APBB2: variants seen among roughly 807,000 people sequenced by gnomAD.
APBB2 encodes the protein amyloid beta precursor protein binding family B member 2.
In APBB2, 38 loss-of-function variants were observed where a neutral mutation model predicts 82.5. The ratio of observed to expected loss-of-function variants is 0.46; its 90% confidence interval spans 0.36 to 0.60. APBB2 has a LOEUF of 0.60. Among genes scored for constraint, APBB2 ranks in the 20% least tolerant of loss-of-function variants. The probability of loss-of-function intolerance (pLI) is 0.00; values close to 1 mark genes in which losing one functional copy is unlikely to be tolerated. For synonymous variants in APBB2, 341 were observed against 368.2 expected (o/e 0.93, Z 0.85); for missense variants, 772 against 972.3 (o/e 0.79, Z 2.74).
At chr4:41,203,993 C>A (rs1013918692) in intron 1 of APBB2, among the ~76,000 whole-genome samples, 1 of 151,706 alleles carries the variant, frequency 6.6e-6, no homozygotes, top group Non-Finnish European at 1.5e-5. Context: ...AGTGAGCCTG[C>A]CCCACCTTGT....
chr4:41,094,744 T>C (rs963269249), intron 3 of APBB2, among the ~76,000 whole-genome samples: 1 of 152,148 alleles, frequency 6.6e-6, no homozygotes, highest in African/African-American at 2.4e-5. Context: ...TTTGTATTTT[T>C]AGTAGAGACG....
chr4:40,981,653 C>G (rs1218431324), intron 6 of APBB2, among the ~76,000 whole-genome samples: 1 of 152,198 alleles, frequency 6.6e-6, no homozygotes, highest in Non-Finnish European at 1.5e-5. Context: ...TACCAACAGA[C>G]AATGAGGCCA....
Position 40,932,750 on chromosome 4 carries a change from G to A in APBB2, c.1254+1706C>T, listed in dbSNP as rs79632067. On this transcript the variant is annotated intron_variant, in intron 10 of 17. Coordinates refer to ENST00000508593, the MANE Select transcript of APBB2 (RefSeq NM_004307.2). ...AACTTGTAAATGAAAAATGCAAAAC[G>A]AAAATGCAAGCCCCCGCCCCGTTCA... Among the ~76,000 whole-genome samples the A allele has an allele frequency of 6.1e-3, 933 of 152,078 alleles. 13 individuals are homozygous for A. Among genetic ancestry groups the A allele is most frequent in the African/African-American group, 0.022 (894 of 41,524 alleles).
intron 1 of APBB2, among the ~76,000 whole-genome samples, chr4:41,171,054 G>A (rs1484306050): frequency 3.9e-5 from 6 of 152,118 alleles, no homozygotes; most frequent in African/African-American, 1.4e-4. Flanking sequence ...TAACCAACTC[G>A]CTACGTCAGT....
intron 10 of APBB2, among the ~76,000 whole-genome samples, chr4:40,927,653 T>C (rs1206121402): frequency 6.6e-6 from 1 of 152,086 alleles, no homozygotes; most frequent in African/African-American, 2.4e-5. Flanking sequence ...GGCTAATATT[T>C]GCATTTTTTG....
chr4:41,119,969 T>A (rs373243558), intron 2 of APBB2, among the ~76,000 whole-genome samples: 1 of 152,218 alleles, frequency 6.6e-6, no homozygotes, highest in Admixed American at 6.5e-5. Flanking sequence ...TTTTATGGTT[T>A]GTGTTCCATG....
intron 1 of APBB2, among the ~76,000 whole-genome samples, chr4:41,149,366 T>A (rs1026990598): frequency 1.9e-4 from 29 of 152,148 alleles, no homozygotes; most frequent in Admixed American, 7.8e-4. Flanking sequence ...GTTTCTTTTT[T>A]AAAAAAAATT....
chr4:40,901,858 C>T (rs116089130), intron 10 of APBB2, among the ~76,000 whole-genome samples: 1,730 of 151,626 alleles, frequency 0.011, 35 homozygotes, highest in African/African-American at 0.04. Context: ...CTGGGAGATC[C>T]ATGGATGAGC....
intron 6 of APBB2, among the ~76,000 whole-genome samples, chr4:40,951,217 C>T (rs549388542): frequency 1.3e-5 from 2 of 150,898 alleles, no homozygotes; most frequent in Admixed American, 6.6e-5. Context: ...GGACCATCGA[C>T]GCTCCCTTTA....
chr4:40,853,183 T>A (rs1760037235), intron 12 of APBB2, among the ~76,000 whole-genome samples: 1 of 152,182 alleles, frequency 6.6e-6, no homozygotes, highest in Non-Finnish European at 1.5e-5. Context: ...CTCTGCCATG[T>A]CACTGATCTC....
chr4:41,213,645 T>C (rs1015991060), intron 1 of APBB2, among the ~76,000 whole-genome samples: 1 of 152,218 alleles, frequency 6.6e-6, no homozygotes, highest in African/African-American at 2.4e-5. Flanking sequence ...TCCGTCCAGC[T>C]CTGTTCTCGC....
chr4:40,881,139 G>A (rs1483745749), intron 12 of APBB2: 2 of 985,266 alleles, frequency 2.0e-6, no homozygotes, highest in Non-Finnish European at 2.4e-6. Context: ...CAGCAAAACG[G>A]TCAAGTAAAT....
intron 12 of APBB2, among the ~76,000 whole-genome samples, chr4:40,870,632 C>T (rs1765227140): frequency 1.3e-5 from 2 of 152,060 alleles, no homozygotes; most frequent in Admixed American, 1.3e-4. Flanking sequence ...CTGTAGAAGG[C>T]TGAAAAATAT....
At chr4:40,825,821 G>A in intron 15 of APBB2, 66 bp downstream of exon 15, 2 of 1,294,128 alleles carry the variant, frequency 1.5e-6, no homozygotes, top group South Asian at 2.4e-5. Context: ...CCTCCTCGGA[G>A]GGCGAACGCC....
intron 6 of APBB2, among the ~76,000 whole-genome samples, chr4:41,000,467 C>T (rs1804903701): frequency 2.0e-5 from 3 of 152,064 alleles, no homozygotes; most frequent in Admixed American, 2.0e-4. Context: ...TTACTATTCT[C>T]ATTTTAGAGA....
chr4:40,898,844 C>T (rs917318960), intron 10 of APBB2, among the ~76,000 whole-genome samples: 1 of 105,728 alleles, frequency 9.5e-6, no homozygotes, highest in African/African-American at 3.3e-5. Context: ...AAAAAAGAAA[C>T]ACACACACAC....
chr4:41,157,912 A>T (rs1054946003), intron 1 of APBB2, among the ~76,000 whole-genome samples: 4 of 152,172 alleles, frequency 2.6e-5, no homozygotes, highest in African/African-American at 9.7e-5. Flanking sequence ...GAATCACTTG[A>T]ACCTGGGAGG....
chr4:40,823,533 A>C, intron 16 of APBB2, 111 bp downstream of exon 16: 1 of 732,838 alleles, frequency 1.4e-6, no homozygotes, highest in Non-Finnish European at 2.4e-6. Flanking sequence ...CATCTTAATC[A>C]CAAGGATGCA....
intron 6 of APBB2, among the ~76,000 whole-genome samples, chr4:41,004,870 T>C (rs997726587): frequency 1.4e-5 from 2 of 144,288 alleles, no homozygotes; most frequent in Non-Finnish European, 1.5e-5. Context: ...GACTGGCATG[T>C]GTACATGTAA....
Sources: allele counts gnomAD v4.1 joint callset (sites outside exome capture counted in the v4.1 genomes callset), GRCh38; gene constraint gnomAD v4.1.1; transcripts MANE v1.5; gene names NCBI Gene and HGNC (gene_info 2026-07-23, HGNC 2026-07-21).